Variants in IGF2BP2 observed in about 807,000 individuals in gnomAD.
IGF2BP2 encodes insulin-like growth factor 2 mRNA-binding protein 2.
In IGF2BP2, 17 loss-of-function variants were observed where a neutral mutation model predicts 75.8. The ratio of observed to expected loss-of-function variants is 0.22; its 90% CI spans 0.15 to 0.34. IGF2BP2 has a LOEUF of 0.34. Ranked by LOEUF, IGF2BP2 falls within the 10% of genes least tolerant of loss-of-function variation. IGF2BP2 has a pLI of 1.00. For synonymous variants in IGF2BP2, 288 were observed against 295.6 expected (o/e 0.97, Z 0.26); for missense variants, 516 against 772.4 (o/e 0.67, Z 3.93).
chr3:185,824,592 C>T (rs1215542685), intron 1 of IGF2BP2, among the ~76,000 whole-genome samples, 191 bp downstream of exon 1: 3 of 112,806 alleles, frequency 2.7e-5, no homozygotes, highest in African/African-American at 1.1e-4. Flanking sequence ...GAGTCCAGAG[C>T]TGTGGGGGGA....
intron 2 of IGF2BP2, among the ~76,000 whole-genome samples, chr3:185,799,384 G>C (rs562864765): frequency 1.1e-4 from 17 of 152,040 alleles, no homozygotes; most frequent in Admixed American, 2.0e-4. Context: ...CTGGGCAACA[G>C]AGCAAGACTG....
chr3:185,803,438 C>T (rs1944141570), intron 2 of IGF2BP2, among the ~76,000 whole-genome samples: 1 of 152,192 alleles, frequency 6.6e-6, no homozygotes, highest in Non-Finnish European at 1.5e-5. Flanking sequence ...AATAAAAGTA[C>T]TGAAAAAAGA....
At chr3:185,820,222 GTA>G (rs201663495) in intron 2 of IGF2BP2, among the ~76,000 whole-genome samples, 1 of 121,296 alleles carries the variant, frequency 8.2e-6, no homozygotes, top group East Asian at 2.2e-4. Context: ...GTGTGTATGT[GTA>G]TATATACACA....
chr3:185,694,762 C>T (rs1413830798), intron 4 of IGF2BP2, among the ~76,000 whole-genome samples: 1 of 152,196 alleles, frequency 6.6e-6, no homozygotes, highest in Non-Finnish European at 1.5e-5. Flanking sequence ...GTCTGCAAGA[C>T]CATCTTGCCT....
chr3:185,716,083 C>T (rs559205968), intron 2 of IGF2BP2, among the ~76,000 whole-genome samples: 4 of 152,066 alleles, frequency 2.6e-5, no homozygotes, highest in African/African-American at 9.6e-5. Flanking sequence ...ATTTAGCACA[C>T]TTCTTGAAAG....
At chr3:185,801,786 G>C (rs1482134366) in intron 2 of IGF2BP2, among the ~76,000 whole-genome samples, 1 of 152,082 alleles carries the variant, frequency 6.6e-6, no homozygotes, top group African/African-American at 2.4e-5. Context: ...ATCAATGATA[G>C]ACTGGATAAA....
intron 10 of IGF2BP2, among the ~76,000 whole-genome samples, chr3:185,660,418 T>G (rs922642442): frequency 6.6e-6 from 1 of 152,186 alleles, no homozygotes; most frequent in Non-Finnish European, 1.5e-5. Context: ...TATGACCCAT[T>G]AGGGACAAAA....
At chr3:185,749,260 C>G (rs1418642668) in intron 2 of IGF2BP2, among the ~76,000 whole-genome samples, 5 of 152,312 alleles carry the variant, frequency 3.3e-5, no homozygotes, top group Admixed American at 3.3e-4. Context: ...TGTCAAGGCT[C>G]TGTTGTAAAG....
chr3:185,645,341 C>A lies in IGF2BP2; in HGVS notation c.*190G>T. On this transcript the variant is annotated 3_prime_UTR_variant, in exon 16 of 16. Transcript: ENST00000382199. This position sits in a 1 kb window ranked among gnomAD's most constrained non-coding sequence, Gnocchi z 4.9. ...CGGTGGTTCTGGCAAACCTGGCTGA[C>A]CTTCCCCGCCCCTCCTCGGCCCCTG... The A allele has an allele frequency of 1.7e-6, 1 of 572,884 alleles. No homozygotes were observed. The highest frequency in any genetic ancestry group is 3.1e-6 in the Non-Finnish European group (1 of 320,068). 35.5% of individuals were successfully genotyped at this position (572,884 alleles called of 1,614,324 possible).
chr3:185,736,409 C>T (rs1177589016), intron 2 of IGF2BP2, among the ~76,000 whole-genome samples: 2 of 152,006 alleles, frequency 1.3e-5, no homozygotes, highest in African/African-American at 4.8e-5. Flanking sequence ...ATTCCATGGC[C>T]ACATCTCAAT....
intron 7 of IGF2BP2, among the ~76,000 whole-genome samples, chr3:185,677,060 TATATATATAGAGAGAGAGAG>T (rs1719607985): frequency 1.9e-5 from 1 of 52,836 alleles, no homozygotes; most frequent in East Asian, 4.5e-4. Flanking sequence ...TATATATATA[TATATATATAGAGAGAGAGAG>T]AGAGAGAGAG....
rs76437532 is a variant in IGF2BP2, at chr3:185,688,411, C to T, written c.677+944G>A. Among the ~76,000 whole-genome samples, 266 of 152,292 alleles carry T rather than the reference C, an allele frequency of 1.7e-3. No homozygotes were observed. In the East Asian group the frequency reaches 0.037, roughly 21 times the overall value. On this transcript the variant is annotated intron_variant, in intron 6 of 15. Transcript: ENST00000382199. The stretch of plus-strand genomic sequence containing the variant: ...AGGCTGGAGTGCAGTGGCGCCATCT[C>T]GGCTCACTGCAACCTCCGCCTCCTG...
chr3:185,751,917 C>G (rs1349367882), intron 2 of IGF2BP2, among the ~76,000 whole-genome samples: 1 of 151,984 alleles, frequency 6.6e-6, no homozygotes, highest in Non-Finnish European at 1.5e-5. Context: ...GAGCCGAGAT[C>G]GTGCCACTGC....
chr3:185,763,953 C>G (rs1169972663), intron 2 of IGF2BP2, among the ~76,000 whole-genome samples: 1 of 151,974 alleles, frequency 6.6e-6, no homozygotes, highest in African/African-American at 2.4e-5. Flanking sequence ...GTGGGTAACT[C>G]CGTTCTGCTG....
intron 7 of IGF2BP2, among the ~76,000 whole-genome samples, chr3:185,684,778 G>A (rs1311974353): frequency 1.3e-5 from 2 of 151,816 alleles, no homozygotes; most frequent in African/African-American, 4.8e-5. Flanking sequence ...TTTAATGAGT[G>A]TCTCTCCCAC....
intron 10 of IGF2BP2, among the ~76,000 whole-genome samples, chr3:185,668,672 CA>C (rs1718055801): frequency 6.6e-6 from 1 of 151,032 alleles, no homozygotes; most frequent in Non-Finnish European, 1.5e-5. Flanking sequence ...TAAGACACCA[CA>C]AATAAAGCAA....
At chr3:185,694,924 TA>T (rs1011339156) in intron 4 of IGF2BP2, among the ~76,000 whole-genome samples, 1 of 151,828 alleles carries the variant, frequency 6.6e-6, no homozygotes, top group Non-Finnish European at 1.5e-5. Context: ...CTGTCTCTAC[TA>T]AAACTACAAA....
intron 2 of IGF2BP2, chr3:185,716,899 G>A (rs1725722207): frequency 4.3e-6 from 2 of 467,846 alleles, no homozygotes; most frequent in South Asian, 3.3e-5. Flanking sequence ...ACATCCTGTT[G>A]TAACGCTCTG....
chr3:185,704,839 T>C (rs1311483794), intron 2 of IGF2BP2, among the ~76,000 whole-genome samples: 3 of 152,210 alleles, frequency 2.0e-5, no homozygotes, highest in African/African-American at 7.2e-5. Context: ...GAAAAAAAAT[T>C]GTTTAGTCAC....
Sources: allele counts gnomAD v4.1 joint callset (sites outside exome capture counted in the v4.1 genomes callset), GRCh38; gene constraint gnomAD v4.1.1; non-coding constraint Gnocchi (gnomAD v3.1); transcripts MANE v1.5; gene names NCBI Gene and HGNC (gene_info 2026-07-23, HGNC 2026-07-21).